The following NFIA variants were observed in gnomAD, a reference collection of about 807,000 sequenced individuals.
The protein encoded by NFIA is nuclear factor 1 A-type.
A neutral mutation model predicts 62.8 loss-of-function variants in NFIA; 8 were observed. That is an observed-to-expected ratio of 0.13 (90% confidence interval 0.07 to 0.23). The LOEUF is 0.23. NFIA is among the 10% of genes least tolerant of loss of function. The pLI, the probability that NFIA is intolerant of heterozygous loss-of-function variation, is 1.00. For synonymous variants in NFIA, 235 were observed against 238.1 expected, an observed-to-expected ratio of 0.99 and a Z score of 0.12; for missense variants, 410 against 642.1, an observed-to-expected ratio of 0.64 and a Z score of 3.91.
intron 2 of NFIA, chr1:61,124,702 G>C (rs992667724): frequency 1.3e-5 from 2 of 152,322 alleles, no homozygotes; most frequent in African/African-American, 4.8e-5. Context: ...TAGTGATAAA[G>C]TTGGGGCCGG....
chr1:61,284,800 T>G (rs993411725), intron 3 of NFIA, among the ~76,000 whole-genome samples: 7 of 151,582 alleles, frequency 4.6e-5, no homozygotes, highest in African/African-American at 7.2e-5. Context: ...TCCCCCCACC[T>G]CCAACCCTTC....
intron 2 of NFIA, among the ~76,000 whole-genome samples, chr1:61,273,108 G>A (rs1393249888): frequency 6.6e-6 from 1 of 152,196 alleles, no homozygotes; most frequent in Non-Finnish European, 1.5e-5. Context: ...TTTAGGGTGG[G>A]AAGGGTTCCT....
chr1:61,104,872 A>G (rs2100442562), intron 2 of NFIA, among the ~76,000 whole-genome samples: 1 of 152,184 alleles, frequency 6.6e-6, no homozygotes, highest in South Asian at 2.1e-4. Context: ...TTGTGCTTTC[A>G]TAGAATGCTA....
chr1:61,260,933 T>G (rs1656736591), intron 2 of NFIA, among the ~76,000 whole-genome samples: 1 of 152,228 alleles, frequency 6.6e-6, no homozygotes, highest in Non-Finnish European at 1.5e-5. Flanking sequence ...TTTGTAATAT[T>G]GTAATCAGTA....
chr1:61,114,004 G>A (rs1646753622), intron 2 of NFIA, among the ~76,000 whole-genome samples: 1 of 152,124 alleles, frequency 6.6e-6, no homozygotes, highest in Non-Finnish European at 1.5e-5. Flanking sequence ...AGGGAGCATT[G>A]AAAACAAGAG....
intron 2 of NFIA, among the ~76,000 whole-genome samples, chr1:61,199,040 G>T (rs533966125): frequency 3.5e-4 from 53 of 152,258 alleles, no homozygotes; most frequent in Admixed American, 5.2e-4. Flanking sequence ...TTTGAAATAG[G>T]AATAGTCCTT....
In NFIA at chr1:61,315,495, G is replaced by A. The variant is rs145309938; in HGVS notation, c.626-17017G>A. Among the ~76,000 whole-genome samples the A allele has an allele frequency of 1.9e-3, 289 of 152,296 alleles. 2 individuals carry two copies. The highest frequency in any genetic ancestry group is 2.9e-4 in the Non-Finnish European group (20 of 68,032). On this transcript the variant is annotated intron_variant, in intron 3 of 10. Coordinates refer to ENST00000403491, the MANE Select transcript of NFIA (RefSeq NM_001134673.4). ...GTTAGAGGTAGGAATTTAACTAAGG[G>A]AGTATTCTTTGGTAATCGCAAAGCA...
chr1:61,121,352 G>A (rs1416481354), intron 2 of NFIA, among the ~76,000 whole-genome samples: 2 of 152,134 alleles, frequency 1.3e-5, no homozygotes, highest in Non-Finnish European at 2.9e-5. Context: ...TGCTCGGAAT[G>A]TAAAAGTATG....
chr1:61,224,991 C>G (rs1005898651), intron 2 of NFIA, among the ~76,000 whole-genome samples: 3 of 152,156 alleles, frequency 2.0e-5, no homozygotes, highest in African/African-American at 4.8e-5. Context: ...ACTAATGAAG[C>G]TCTTTGCTGT....
At chr1:61,379,844 G>T (rs1664331044) in intron 6 of NFIA, among the ~76,000 whole-genome samples, 1 of 152,082 alleles carries the variant, frequency 6.6e-6, no homozygotes, top group South Asian at 2.1e-4. Flanking sequence ...TGAGCCACCA[G>T]CCCAGCCTGA....
intron 2 of NFIA, among the ~76,000 whole-genome samples, chr1:61,158,892 G>A (rs1557604570): frequency 6.6e-6 from 1 of 152,190 alleles, no homozygotes; most frequent in Non-Finnish European, 1.5e-5. Context: ...AGGAGCAGCT[G>A]TTTTGTGCTT....
intron 2 of NFIA, among the ~76,000 whole-genome samples, chr1:61,125,788 A>G (rs896765882): frequency 2.6e-5 from 4 of 152,202 alleles, no homozygotes; most frequent in African/African-American, 9.7e-5. Flanking sequence ...TACACATAAT[A>G]TAGAAGAGAT....
At chr1:61,208,701 G>C (rs902697583) in intron 2 of NFIA, among the ~76,000 whole-genome samples, 4 of 152,074 alleles carry the variant, frequency 2.6e-5, no homozygotes, top group Admixed American at 6.5e-5. Context: ...ATACGTAGTG[G>C]CTTGCTATTA....
At chr1:61,338,067 C>T (rs1173971069) in intron 4 of NFIA, among the ~76,000 whole-genome samples, 2 of 152,178 alleles carry the variant, frequency 1.3e-5, no homozygotes, top group Non-Finnish European at 2.9e-5. Context: ...TTTCTAGCGG[C>T]GGTTTGTACA....
intron 2 of NFIA, among the ~76,000 whole-genome samples, chr1:61,181,444 T>G (rs1407955126): frequency 6.6e-6 from 1 of 152,248 alleles, no homozygotes; most frequent in Non-Finnish European, 1.5e-5. Flanking sequence ...ATATTTACAT[T>G]TGTAACATAA....
intron 2 of NFIA, among the ~76,000 whole-genome samples, chr1:61,218,663 A>G (rs989430660): frequency 6.6e-6 from 1 of 152,266 alleles, no homozygotes; most frequent in Non-Finnish European, 1.5e-5. Flanking sequence ...CCTTTAAAAA[A>G]TAATGCTGTA....
chr1:61,352,359 GA>G, intron 4 of NFIA, 90 bp from the exon 5 acceptor site: 1 of 871,434 alleles, frequency 1.1e-6, no homozygotes, highest in Non-Finnish European at 1.9e-6. Flanking sequence ...AATGCAAAAA[GA>G]AAATGTGCTA....
intron 2 of NFIA, among the ~76,000 whole-genome samples, chr1:61,103,157 G>A (rs548270889): frequency 6.6e-6 from 1 of 152,184 alleles, no homozygotes; most frequent in Admixed American, 6.5e-5. Context: ...ACTGGTGGGA[G>A]CATGTGCAAA....
intron 2 of NFIA, among the ~76,000 whole-genome samples, chr1:61,184,314 C>T (rs927977708): frequency 1.3e-5 from 2 of 152,220 alleles, no homozygotes; most frequent in African/African-American, 2.4e-5. Flanking sequence ...AGCCAATCAG[C>T]CGGCAGTGCC....
Sources: allele counts gnomAD v4.1 joint callset (sites outside exome capture counted in the v4.1 genomes callset), GRCh38; gene constraint gnomAD v4.1.1; transcripts MANE v1.5; gene names NCBI Gene and HGNC (gene_info 2026-07-23, HGNC 2026-07-21).